DUS2: variants seen among roughly 807,000 people sequenced by gnomAD.
DUS2 encodes the protein dihydrouridine synthase 2.
A neutral mutation model predicts 71.3 loss-of-function variants in DUS2; 52 were observed. That is an observed-to-expected ratio of 0.73 (90% confidence interval 0.58 to 0.92). DUS2 has a LOEUF of 0.92. DUS2 is among the 40% of genes least tolerant of loss of function. The probability of loss-of-function intolerance (pLI) is 0.00; values close to 1 mark genes in which losing one functional copy is unlikely to be tolerated. For missense variants in DUS2, 558 were observed against 622.6 expected, an observed-to-expected ratio of 0.90 and a Z score of 1.10; for synonymous variants, 204 against 227.8, an observed-to-expected ratio of 0.90 and a Z score of 0.94.
intron 3 of DUS2, among the ~76,000 whole-genome samples, chr16:68,046,749 G>A (rs1322140520): frequency 2.7e-5 from 4 of 150,886 alleles, no homozygotes; most frequent in Admixed American, 6.6e-5. Context: ...CTCTCATTCT[G>A]ATTTTTTTTT....
intron 3 of DUS2, among the ~76,000 whole-genome samples, chr16:68,045,324 G>C (rs1161255105): frequency 1.3e-5 from 2 of 151,868 alleles, no homozygotes; most frequent in Non-Finnish European, 2.9e-5. Flanking sequence ...AGATCACATC[G>C]GCCCAGCGTG....
chr16:68,028,746 T>C (rs1405284831), intron 2 of DUS2, among the ~76,000 whole-genome samples: 1 of 152,158 alleles, frequency 6.6e-6, no homozygotes, highest in Non-Finnish European at 1.5e-5. Context: ...TGGTACACCA[T>C]GGAATTCACT....
intron 6 of DUS2, 133 bp from the exon 7 acceptor site, chr16:68,056,231 T>G: frequency 1.5e-6 from 1 of 655,030 alleles, no homozygotes; most frequent in Non-Finnish European, 2.6e-6. Flanking sequence ...CTTCTGTCAT[T>G]GGGGGTTGGT....
intron 3 of DUS2, among the ~76,000 whole-genome samples, chr16:68,043,539 A>G (rs1471237183): frequency 6.6e-6 from 1 of 152,058 alleles, no homozygotes; most frequent in Non-Finnish European, 1.5e-5. Flanking sequence ...TTCTCTGATT[A>G]GTGATGATTA....
At chr16:68,066,749 G>A (rs2034010779) in intron 10 of DUS2, 113 bp downstream of exon 10, 1 of 1,008,604 alleles carries the variant, frequency 9.9e-7, no homozygotes, top group Non-Finnish European at 1.5e-6. Context: ...TACATATTCA[G>A]CCTACCTCTG....
intron 3 of DUS2, among the ~76,000 whole-genome samples, chr16:68,038,456 A>C (rs965312985): frequency 1.3e-5 from 2 of 152,124 alleles, no homozygotes; most frequent in African/African-American, 2.4e-5. Flanking sequence ...GAGGCCTGGC[A>C]CAGTGGCTCA....
intron 4 of DUS2, 48 bp from the exon 5 acceptor site, chr16:68,053,516 A>T (rs1471333907): frequency 6.3e-7 from 1 of 1,587,930 alleles, no homozygotes; most frequent in Admixed American, 1.7e-5. Flanking sequence ...GCTAGCGTTG[A>T]ACTTGCATCT....
At chr16:68,042,425 G>A (rs1043771442) in intron 3 of DUS2, among the ~76,000 whole-genome samples, 1 of 152,050 alleles carries the variant, frequency 6.6e-6, no homozygotes, top group Non-Finnish European at 1.5e-5. Flanking sequence ...AATTTTTTGA[G>A]GACCCTCCAT....
chr16:68,070,263 C>T (rs1239171968), intron 11 of DUS2, 43 bp downstream of exon 11: 4 of 1,570,926 alleles, frequency 2.5e-6, no homozygotes, highest in South Asian at 2.2e-5. Context: ...TCCCACAGAG[C>T]TAAGGGCTGG....
intron 3 of DUS2, among the ~76,000 whole-genome samples, chr16:68,038,897 T>A (rs2033577356): frequency 6.8e-6 from 1 of 146,820 alleles, no homozygotes; most frequent in South Asian, 2.2e-4. Flanking sequence ...TTTAAAAAAA[T>A]TTATATATTA....
chr16:68,078,516 G>A lies in DUS2; in HGVS notation c.1242G>A (p.Leu414=). The change falls in exon 16 of 17, where the codon TTG becomes TTA. Residue 414 remains leucine, a splice_region_variant and synonymous_variant. Transcript: ENST00000565263. Reference sequence around the variant, plus strand: ...CTGAACAAAAGTATCAGTCTACCTTGTGGTAAGTTTCCTTATCATAGGAGA... The same window carrying A: ...CTGAACAAAAGTATCAGTCTACCTTATGGTAAGTTTCCTTATCATAGGAGA... ...TVAEQKYQST[L]WDKSKKLAEQ... is the part of the protein sequence containing the mutation. 1 of 1,613,928 alleles carries A rather than the reference G, an allele frequency of 6.2e-7. No individual in the cohort carries two copies. The highest frequency in any genetic ancestry group is 2.2e-5 in the East Asian group (1 of 44,894).
intron 2 of DUS2, 61 bp from the exon 3 acceptor site, chr16:68,037,945 G>T: frequency 6.5e-7 from 1 of 1,543,370 alleles, no homozygotes; most frequent in South Asian, 1.2e-5. Flanking sequence ...GCCTGCTCTT[G>T]ATAACAGGAG....
intron 6 of DUS2, 135 bp downstream of exon 6, chr16:68,054,752 G>T: frequency 9.1e-7 from 1 of 1,104,144 alleles, no homozygotes; most frequent in Non-Finnish European, 1.4e-6. Context: ...GGTTAAGAGT[G>T]CCTGGTTTCC....
At chr16:68,028,153 G>A (rs1235818203) in intron 2 of DUS2, among the ~76,000 whole-genome samples, 1 of 152,136 alleles carries the variant, frequency 6.6e-6, no homozygotes, top group African/African-American at 2.4e-5. Flanking sequence ...TGGATTGGAA[G>A]TGATAAGCCT....
intron 3 of DUS2, among the ~76,000 whole-genome samples, chr16:68,047,212 C>T (rs2033716191): frequency 1.3e-5 from 2 of 149,690 alleles, no homozygotes; most frequent in Admixed American, 6.7e-5. Context: ...CGTGCCACCA[C>T]GCCTGACTAA....
intron 7 of DUS2, 103 bp downstream of exon 7, chr16:68,056,527 TAG>T (rs2033854036): frequency 1.1e-6 from 1 of 902,832 alleles, no homozygotes; most frequent in African/African-American, 1.7e-5. Flanking sequence ...GATTCTGTAC[TAG>T]ATGGGGAAAA....
intron 2 of DUS2, among the ~76,000 whole-genome samples, chr16:68,031,405 C>T (rs537243261): frequency 7.2e-5 from 11 of 152,160 alleles, no homozygotes; most frequent in Admixed American, 5.2e-4. Flanking sequence ...CCTCGTGATC[C>T]GCCTGCCTTG....
chr16:68,062,966 C>T (rs1228949314), intron 8 of DUS2, among the ~76,000 whole-genome samples: 1 of 152,154 alleles, frequency 6.6e-6, no homozygotes, highest in Non-Finnish European at 1.5e-5. Context: ...GGTTTCCACA[C>T]CTAGGAGAGG....
intron 4 of DUS2, 102 bp downstream of exon 4, chr16:68,049,652 T>C (rs1029587479): frequency 7.8e-5 from 85 of 1,085,042 alleles, no homozygotes; most frequent in Non-Finnish European, 1.1e-4. Context: ...CCTGGCTTCA[T>C]TGAGTAATTC....
Sources: gnomAD v4.1 joint callset for allele counts (sites outside exome capture counted in the v4.1 genomes callset) on GRCh38, gnomAD v4.1.1 for gene constraint, MANE v1.5 for transcripts, NCBI Gene and HGNC (gene_info 2026-07-23, HGNC 2026-07-21) for gene names.